The following NAALADL2 variants were observed in gnomAD, a reference collection of about 807,000 sequenced individuals.
NAALADL2 encodes the protein inactive N-acetylated-alpha-linked acidic dipeptidase-like protein 2.
A neutral mutation model predicts 87.2 loss-of-function variants in NAALADL2; 76 were observed. That is an observed-to-expected ratio of 0.87 (90% CI 0.72 to 1.05). NAALADL2 has a LOEUF of 1.05. Among genes scored for constraint, NAALADL2 ranks in the 50% least tolerant of loss-of-function variants. The probability of loss-of-function intolerance (pLI) is 0.00; values close to 1 mark genes in which losing one functional copy is unlikely to be tolerated. For missense variants in NAALADL2, 1,089 were observed against 945.8 expected (o/e 1.15, Z -1.99); for synonymous variants, 354 against 331.0 (o/e 1.07, Z -0.75).
intron 2 of NAALADL2, among the ~76,000 whole-genome samples, chr3:174,584,823 A>G (rs914856133): frequency 2.6e-5 from 4 of 152,156 alleles, no homozygotes; most frequent in Non-Finnish European, 4.4e-5. Flanking sequence ...TTCCCTTAGA[A>G]CACAGTTCCA....
intron 3 of NAALADL2, among the ~76,000 whole-genome samples, chr3:174,795,083 C>T (rs62284883): frequency 0.026 from 3,951 of 150,232 alleles, 72 homozygotes; most frequent in Non-Finnish European, 0.04. Flanking sequence ...CCTCCGCCTC[C>T]CAGGTTCAAA....
intron 12 of NAALADL2, among the ~76,000 whole-genome samples, chr3:175,738,806 T>C (rs1346992768): frequency 6.6e-6 from 1 of 152,206 alleles, no homozygotes; most frequent in Non-Finnish European, 1.5e-5. Context: ...TGTCAGTGTG[T>C]CTACTGTAGC....
intron 2 of NAALADL2, among the ~76,000 whole-genome samples, chr3:175,186,422 A>T (rs2109023570): frequency 6.6e-6 from 1 of 152,204 alleles, no homozygotes; most frequent in Admixed American, 6.5e-5. Context: ...ACTTAAAAAC[A>T]ATGATAGTTT....
At chr3:174,846,382 G>A (rs1056234643) in intron 3 of NAALADL2, among the ~76,000 whole-genome samples, 7 of 152,076 alleles carry the variant, frequency 4.6e-5, no homozygotes, top group African/African-American at 1.7e-4. Context: ...TTTTTGTCAG[G>A]GGATGAGAGC....
chr3:174,708,659 C>T (rs1730339229), intron 2 of NAALADL2, among the ~76,000 whole-genome samples: 1 of 152,092 alleles, frequency 6.6e-6, no homozygotes, highest in Non-Finnish European at 1.5e-5. Context: ...CAAAATATAT[C>T]TATGTTGGTC....
At chr3:174,442,308 C>T (rs1329007638) in intron 1 of NAALADL2, among the ~76,000 whole-genome samples, 1 of 152,080 alleles carries the variant, frequency 6.6e-6, no homozygotes, top group Non-Finnish European at 1.5e-5. Context: ...CGATTTTCAC[C>T]ATTTTTTCCC....
chr3:175,426,566 T>A (rs73881500), intron 5 of NAALADL2, among the ~76,000 whole-genome samples: 118 of 152,312 alleles, frequency 7.7e-4, no homozygotes, highest in African/African-American at 2.6e-3. Context: ...TGCACAGGTA[T>A]GTAGTGTTAA....
At chr3:174,915,497 G>GAA (rs1221420501) in intron 1 of NAALADL2, among the ~76,000 whole-genome samples, 3 of 152,116 alleles carry the variant, frequency 2.0e-5, no homozygotes, top group African/African-American at 7.2e-5. Flanking sequence ...CAGGTTTTGA[G>GAA]CCCATGTTCT....
At chr3:175,573,716 A>AT (rs1718431893) in intron 9 of NAALADL2, among the ~76,000 whole-genome samples, 1 of 152,176 alleles carries the variant, frequency 6.6e-6, no homozygotes, top group African/African-American at 2.4e-5. Context: ...TCCCAGCTTA[A>AT]TATAAAATCC....
chr3:174,495,646 C>T (rs900608340), intron 1 of NAALADL2, among the ~76,000 whole-genome samples: 9 of 152,100 alleles, frequency 5.9e-5, no homozygotes, highest in Non-Finnish European at 2.9e-5. Flanking sequence ...TAAATGGACT[C>T]GTGGAGAGAG....
chr3:174,962,057 C>T (rs1427342898), intron 1 of NAALADL2, among the ~76,000 whole-genome samples: 1 of 151,910 alleles, frequency 6.6e-6, no homozygotes, highest in Non-Finnish European at 1.5e-5. Context: ...CTCTACCTCT[C>T]TTCATTTCTC....
chr3:175,086,101 G>A (rs1420284206), intron 1 of NAALADL2, among the ~76,000 whole-genome samples: 2 of 152,164 alleles, frequency 1.3e-5, no homozygotes, highest in African/African-American at 4.8e-5. Context: ...TTAAGGATAA[G>A]TCAAGCTTTA....
At chr3:175,258,779 A>T (rs1421825778) in intron 4 of NAALADL2, among the ~76,000 whole-genome samples, 1 of 152,164 alleles carries the variant, frequency 6.6e-6, no homozygotes, top group Non-Finnish European at 1.5e-5. Flanking sequence ...ATGGTGTCTG[A>T]TTTATCTGAG....
At chr3:174,466,821 G>A (rs763275209) in intron 1 of NAALADL2, among the ~76,000 whole-genome samples, 1 of 152,100 alleles carries the variant, frequency 6.6e-6, no homozygotes, top group African/African-American at 2.4e-5. Context: ...TTTCATACAC[G>A]AGACATTTGT....
At chr3:174,561,955 T>A (rs1713671087) in intron 2 of NAALADL2, among the ~76,000 whole-genome samples, 1 of 152,216 alleles carries the variant, frequency 6.6e-6, no homozygotes, top group African/African-American at 2.4e-5. Context: ...TCTGGAAAAT[T>A]CTTCCATAAT....
At chr3:174,822,281 C>A (rs1229672464) in intron 3 of NAALADL2, among the ~76,000 whole-genome samples, 1 of 152,040 alleles carries the variant, frequency 6.6e-6, no homozygotes, top group East Asian at 1.9e-4. Context: ...CCCGACGGCC[C>A]CTGCTTATTG....
At chr3:175,053,043 T>C (rs545005767) in intron 1 of NAALADL2, among the ~76,000 whole-genome samples, 36 of 152,334 alleles carry the variant, frequency 2.4e-4, no homozygotes, top group Admixed American at 9.8e-4. Context: ...TGTTCTGCAA[T>C]GTGATCTTCC....
intron 12 of NAALADL2, among the ~76,000 whole-genome samples, chr3:175,740,345 G>A (rs150396927): frequency 2.0e-4 from 30 of 152,272 alleles, no homozygotes; most frequent in African/African-American, 6.0e-4. Flanking sequence ...GAAGGCATCC[G>A]AAAGAAAATG....
intron 3 of NAALADL2, among the ~76,000 whole-genome samples, chr3:174,792,717 T>C (rs1403569020): frequency 6.6e-6 from 1 of 152,142 alleles, no homozygotes; most frequent in African/African-American, 2.4e-5. Context: ...AGATACATTC[T>C]TCTTGGAAAA....
Sources: allele counts gnomAD v4.1 joint callset (sites outside exome capture counted in the v4.1 genomes callset), GRCh38; gene constraint gnomAD v4.1.1; transcripts MANE v1.5; gene names NCBI Gene and HGNC (gene_info 2026-07-23, HGNC 2026-07-21).